The following GPR158 variants were observed in gnomAD, a reference collection of about 807,000 sequenced individuals.
GPR158 encodes G protein-coupled receptor 158, also known as metabotropic glycine receptor.
GPR158 carries 30 observed loss-of-function variants against 78.2 expected under a neutral mutation model. The ratio of observed to expected loss-of-function variants is 0.38; its 90% confidence interval spans 0.29 to 0.52. The LOEUF is 0.52. GPR158 is among the 20% of genes least tolerant of loss of function. The pLI is 0.83. For missense variants in GPR158, 1,463 were observed against 1,523.5 expected (o/e 0.96, Z 0.66); for synonymous variants, 581 against 591.1 (o/e 0.98, Z 0.25).
intron 7 of GPR158, among the ~76,000 whole-genome samples, chr10:25,580,027 A>ATGTC (rs1182513632): frequency 9.8e-5 from 15 of 152,310 alleles, no homozygotes; most frequent in African/African-American, 3.6e-4. Flanking sequence ...CATGGTTGTG[A>ATGTC]AAGTCCACTG....
At chr10:25,429,294 C>A (rs1251271091) in intron 4 of GPR158, among the ~76,000 whole-genome samples, 1 of 152,078 alleles carries the variant, frequency 6.6e-6, no homozygotes, top group East Asian at 1.9e-4. Flanking sequence ...TTTCTTCGAA[C>A]AAATATGCAT....
chr10:25,390,646 A>C (rs971160827), intron 2 of GPR158, among the ~76,000 whole-genome samples: 2 of 152,242 alleles, frequency 1.3e-5, no homozygotes, highest in African/African-American at 2.4e-5. Context: ...TCACAAAGAT[A>C]TGATTTATAA....
intron 5 of GPR158, among the ~76,000 whole-genome samples, chr10:25,528,678 G>C (rs1252845466): frequency 6.6e-6 from 1 of 152,128 alleles, no homozygotes; most frequent in Non-Finnish European, 1.5e-5. Flanking sequence ...TGAATTAAGT[G>C]GTGTCAGTTC....
At position 25,266,605 on chromosome 10, in the gene GPR158, A is replaced by G. The variant is rs533353531; in HGVS notation, c.1008+45448A>G. 2.0e-5 allele frequency among the ~76,000 whole-genome samples: 3 copies of G among 152,322 alleles called. No individual in the cohort carries two copies. In the South Asian group the frequency reaches 6.2e-4, roughly 32 times the overall value. ...CATTCTAAGCTTCTTAAGCATAAGAAGGAAAGCTTAAAAAAGGAAGCTGTT... is the reference window on the plus strand; with the variant it reads ...CATTCTAAGCTTCTTAAGCATAAGAGGGAAAGCTTAAAAAAGGAAGCTGTT... On this transcript the variant is annotated intron_variant, in intron 2 of 10. Transcript: ENST00000376351.
At chr10:25,468,450 A>C (rs1835453857) in intron 5 of GPR158, among the ~76,000 whole-genome samples, 1 of 152,146 alleles carries the variant, frequency 6.6e-6, no homozygotes, top group Non-Finnish European at 1.5e-5. Context: ...TTCTTCCCAA[A>C]TTTGTGAGGA....
At chr10:25,452,540 A>C (rs959860790) in intron 4 of GPR158, among the ~76,000 whole-genome samples, 13 of 152,172 alleles carry the variant, frequency 8.5e-5, no homozygotes, top group African/African-American at 1.2e-4. Context: ...GAAAAGCTGG[A>C]CTTCCTTATT....
intron 2 of GPR158, among the ~76,000 whole-genome samples, chr10:25,272,620 G>A (rs577862354): frequency 2.0e-5 from 3 of 152,108 alleles, no homozygotes; most frequent in Admixed American, 6.6e-5. Flanking sequence ...TTATAAAAAT[G>A]GATTGCTTCT....
At chr10:25,206,987 A>G (rs984432417) in intron 1 of GPR158, among the ~76,000 whole-genome samples, 1 of 151,584 alleles carries the variant, frequency 6.6e-6, no homozygotes, top group Non-Finnish European at 1.5e-5. Context: ...ACTTTTGCCC[A>G]AGTCCCACGG....
At chr10:25,592,121 A>G (rs1837348653) in intron 8 of GPR158, among the ~76,000 whole-genome samples, 1 of 152,038 alleles carries the variant, frequency 6.6e-6, no homozygotes, top group South Asian at 2.1e-4. Flanking sequence ...AACAGTGAAA[A>G]ATATATTCTC....
At chr10:25,456,901 TTTAA>T (rs1247077470) in intron 4 of GPR158, among the ~76,000 whole-genome samples, 2 of 152,100 alleles carry the variant, frequency 1.3e-5, no homozygotes, top group Non-Finnish European at 2.9e-5. Context: ...ATCTTTAGAG[TTTAA>T]TTATTAAGAT....
At chr10:25,212,421 T>C (rs1853144342) in intron 1 of GPR158, among the ~76,000 whole-genome samples, 1 of 152,068 alleles carries the variant, frequency 6.6e-6, no homozygotes, top group Admixed American at 6.6e-5. Context: ...TGCCAAGCCA[T>C]TCATGATCCG....
chr10:25,465,983 AG>A (rs1835416015), intron 4 of GPR158, among the ~76,000 whole-genome samples: 1 of 152,192 alleles, frequency 6.6e-6, no homozygotes. Context: ...AACCAATCAA[AG>A]GGGAGTTTAA....
At chr10:25,472,718 T>G (rs1254675910) in intron 5 of GPR158, among the ~76,000 whole-genome samples, 1 of 152,226 alleles carries the variant, frequency 6.6e-6, no homozygotes, top group Non-Finnish European at 1.5e-5. Context: ...TTATTCTATT[T>G]GAAGCATTGT....
intron 4 of GPR158, among the ~76,000 whole-genome samples, chr10:25,416,120 C>T (rs765919623): frequency 6.6e-6 from 1 of 152,114 alleles, no homozygotes; most frequent in Non-Finnish European, 1.5e-5. Flanking sequence ...ATACCTTACA[C>T]TTAGTCTTCA....
At chr10:25,458,619 T>C (rs974716066) in intron 4 of GPR158, among the ~76,000 whole-genome samples, 1 of 152,208 alleles carries the variant, frequency 6.6e-6, no homozygotes, top group Non-Finnish European at 1.5e-5. Flanking sequence ...GGCAGCATTA[T>C]TGCCAATCTC....
intron 5 of GPR158, among the ~76,000 whole-genome samples, chr10:25,487,024 T>A (rs2130642928): frequency 6.6e-6 from 1 of 152,234 alleles, no homozygotes. Context: ...TCCCTCTTGG[T>A]ATGTTAGCAA....
intron 2 of GPR158, among the ~76,000 whole-genome samples, chr10:25,354,764 T>C (rs56081613): frequency 0.1 from 15,235 of 152,130 alleles, 1,888 homozygotes; most frequent in African/African-American, 0.3. Context: ...GTGAATTTTC[T>C]CAGCTTTTGT....
chr10:25,247,734 C>G (rs1206117878), intron 2 of GPR158, among the ~76,000 whole-genome samples: 1 of 151,794 alleles, frequency 6.6e-6, no homozygotes. Context: ...ATTTGGGTTG[C>G]TTCCAAGTCT....
chr10:25,509,912 C>G (rs1319528383), intron 5 of GPR158, among the ~76,000 whole-genome samples: 1 of 152,148 alleles, frequency 6.6e-6, no homozygotes, highest in Non-Finnish European at 1.5e-5. Flanking sequence ...CGGGGTTTCA[C>G]CATGTTGGCC....
Sources: allele counts gnomAD v4.1 joint callset (sites outside exome capture counted in the v4.1 genomes callset), GRCh38; gene constraint gnomAD v4.1.1; transcripts MANE v1.5; gene names NCBI Gene and HGNC (gene_info 2026-07-23, HGNC 2026-07-21).